The following CYFIP1 variants were observed in gnomAD, a reference collection of about 807,000 sequenced individuals.
CYFIP1 encodes cytoplasmic FMR1 interacting protein 1.
A neutral mutation model predicts 163.5 loss-of-function variants in CYFIP1; 58 were observed. The ratio of observed to expected loss-of-function variants is 0.35; its 90% CI spans 0.29 to 0.44. The LOEUF is 0.44. CYFIP1 is among the 20% of genes least tolerant of loss of function. The probability of loss-of-function intolerance (pLI) is 1.00; values close to 1 mark genes in which losing one functional copy is unlikely to be tolerated. For synonymous variants in CYFIP1, 663 were observed against 660.7 expected (o/e 1.00, Z -0.05); for missense variants, 1,338 against 1,653.8 (o/e 0.81, Z 3.31).
chr15:22,883,351 C>G (rs532174824), intron 23 of CYFIP1, among the ~76,000 whole-genome samples: 2 of 152,276 alleles, frequency 1.3e-5, no homozygotes, highest in East Asian at 3.9e-4. Context: ...TGCCCAAGGT[C>G]GGACCCTGAA....
In CYFIP1 at chr15:22,876,688, G is replaced by A. The variant is rs546391418; in HGVS notation, c.3043-1417C>T. ...CTCTACTAAAAACACAAAATTAGCC[G>A]GGTGTGGTGGCACATGCCTGTAATC... is the stretch of plus-strand genomic sequence containing the variant. On this transcript the variant is annotated intron_variant, in intron 26 of 30. Coordinates refer to ENST00000617928, the MANE Select transcript of CYFIP1 (RefSeq NM_014608.6). Among the ~76,000 whole-genome samples, 18 of 152,040 alleles carry A rather than the reference G, an allele frequency of 1.2e-4. No homozygotes were observed. The East Asian group carries it at 1.9e-3, about 16-fold the overall frequency.
intron 9 of CYFIP1, among the ~76,000 whole-genome samples, chr15:22,934,904 T>A (rs1172279987): frequency 6.6e-6 from 1 of 152,036 alleles, no homozygotes; most frequent in African/African-American, 2.4e-5. Context: ...ACAAAAAATG[T>A]GCAAGACCTC....
At chr15:22,965,256 C>T (rs1368193451) in intron 1 of CYFIP1, among the ~76,000 whole-genome samples, 1 of 152,122 alleles carries the variant, frequency 6.6e-6, no homozygotes, top group Non-Finnish European at 1.5e-5. Context: ...GTCAGGAGTT[C>T]GAGACCAGCC....
chr15:22,942,046 G>T (rs1285460909), intron 6 of CYFIP1, among the ~76,000 whole-genome samples: 1 of 152,202 alleles, frequency 6.6e-6, no homozygotes, highest in Non-Finnish European at 1.5e-5. Context: ...CCCAAGAGGG[G>T]CTCACAGGTC....
chr15:22,973,244 G>T (rs955863852), intron 1 of CYFIP1, among the ~76,000 whole-genome samples: 3 of 146,422 alleles, frequency 2.0e-5, no homozygotes, highest in African/African-American at 7.8e-5. Context: ...AGCCCAAAAG[G>T]GCAAGGCTGC....
chr15:22,966,501 C>T (rs2062914188), intron 1 of CYFIP1, among the ~76,000 whole-genome samples: 1 of 152,076 alleles, frequency 6.6e-6, no homozygotes, highest in Non-Finnish European at 1.5e-5. Context: ...AACCTGCCCA[C>T]ACTGTGATCT....
rs781594682 is a variant in CYFIP1 at position 22,917,806 on chromosome 15, C to T, written c.1656G>A (p.Val552=). The change falls in exon 15 of 31, where the codon GTG becomes GTA. Residue 552 remains valine (V), a synonymous_variant. Coordinates refer to ENST00000617928, the MANE Select transcript of CYFIP1 (RefSeq NM_014608.6). This position sits in a 1 kb window ranked among gnomAD's most constrained non-coding sequence, Gnocchi z 4.2. ...CGAGAACCTGAGTGCTGGAGGGTCCCACGGCGCGGCGTGGTACTTTTATGT... is the reference window on the plus strand; with the variant it reads ...CGAGAACCTGAGTGCTGGAGGGTCCTACGGCGCGGCGTGGTACTTTTATGT... ...GFDIKVPRRA[V]GPSSTQLYMV... is the part of the protein sequence containing the mutation. 4 of 1,611,202 alleles carry T rather than the reference C, an allele frequency of 2.5e-6. No homozygotes were observed. Among genetic ancestry groups the T allele is most frequent in the Admixed American group, 3.4e-5 (2 of 59,684 alleles).
At chr15:22,874,425 G>C (rs2059525651) in intron 28 of CYFIP1, 125 bp downstream of exon 28, 2 of 630,318 alleles carry the variant, frequency 3.2e-6, no homozygotes, top group African/African-American at 3.8e-5. Context: ...TGCAACACTT[G>C]AGGCCTGAGC....
chr15:22,909,724 A>T (rs534520623), intron 20 of CYFIP1, among the ~76,000 whole-genome samples: 11 of 151,304 alleles, frequency 7.3e-5, no homozygotes, highest in African/African-American at 2.7e-4. Context: ...TTAATTTTTA[A>T]TTTTTTTTCT....
Position 22,901,210 on chromosome 15 carries a change from C to A in CYFIP1, c.2588+2496G>T, listed in dbSNP as rs1381100306. Among the ~76,000 whole-genome samples, 1,179 of 141,054 alleles carry A rather than the reference C, an allele frequency of 8.4e-3. 7 individuals carry two copies. The highest frequency in any genetic ancestry group is 0.014 in the Non-Finnish European group (882 of 64,738). 92.5% of individuals were successfully genotyped at this position (141,054 alleles called of 152,430 possible). A position where few individuals can be genotyped will look rare whatever the true frequency, so the allele number is the denominator to read the frequency against. ...AGAGTAAGACTCTGTCACAAAAAAA[C>A]AAAAAAAAAAACCAAAAAAACAACT... On this transcript the variant is annotated intron_variant, in intron 22 of 30. Coordinates refer to ENST00000617928, the MANE Select transcript of CYFIP1 (RefSeq NM_014608.6).
At chr15:22,903,061 CCTCTA>C (rs1327921995) in intron 22 of CYFIP1, among the ~76,000 whole-genome samples, 1 of 152,194 alleles carries the variant, frequency 6.6e-6, no homozygotes, top group Non-Finnish European at 1.5e-5. Context: ...CACCTGCACT[CCTCTA>C]CGTCTGGATG....
chr15:22,925,343 G>A (rs887771696), intron 13 of CYFIP1, among the ~76,000 whole-genome samples: 5 of 152,140 alleles, frequency 3.3e-5, no homozygotes, highest in Admixed American at 6.5e-5. Context: ...CTGGGATACC[G>A]ACAGCAACTG....
intron 1 of CYFIP1, among the ~76,000 whole-genome samples, chr15:22,958,940 T>C (rs1190001560): frequency 6.6e-6 from 1 of 152,148 alleles, no homozygotes; most frequent in African/African-American, 2.4e-5. Flanking sequence ...GAATAAAGTC[T>C]CAATCGCTCA....
chr15:22,871,652 A>C (rs2059436650), intron 30 of CYFIP1, among the ~76,000 whole-genome samples: 2 of 152,172 alleles, frequency 1.3e-5, no homozygotes, highest in Admixed American at 6.5e-5. Context: ...AGTGGGCTCA[A>C]TATAGTCACA....
Position 22,912,232 on chromosome 15 carries a change from A to G in CYFIP1, c.2029T>C (p.Tyr677His). The G allele has an allele frequency of 6.2e-7, 1 of 1,614,088 alleles. No homozygotes were observed. The highest frequency in any genetic ancestry group is 1.3e-5 in the African/African-American group (1 of 75,070). Residue 677 changes from tyrosine (Y) to histidine (H), a missense_variant, in exon 18 of 31, where the codon TAC becomes CAC. Around this residue, in one of 4 missense-constraint regions of CYFIP1, gnomAD observed 824 missense variants for 995.7 expected, o/e 0.83. Transcript: ENST00000617928. ...TGCTTGTTGAACCTGGTGAGCGCGT[A>G]GTGGGCGCTGTCATTGTACAGGTCC... is the stretch of plus-strand genomic sequence containing the variant. ...SLDLYNDSAH[Y>H]ALTRFNKQFL...
At chr15:22,891,615 C>G (rs534901139) in intron 23 of CYFIP1, among the ~76,000 whole-genome samples, 1 of 152,352 alleles carries the variant, frequency 6.6e-6, no homozygotes, top group East Asian at 1.9e-4. Context: ...CCGGCCCACA[C>G]TCGCTCTTTT....
chr15:22,950,304 A>G (rs2062205458), intron 1 of CYFIP1, among the ~76,000 whole-genome samples: 3 of 152,188 alleles, frequency 2.0e-5, no homozygotes, highest in Non-Finnish European at 4.4e-5. Context: ...AAAAGGGGAA[A>G]AAGGTGAACC....
At chr15:22,933,561 G>A (rs1055748253) in intron 10 of CYFIP1, among the ~76,000 whole-genome samples, 12 of 149,878 alleles carry the variant, frequency 8.0e-5, no homozygotes, top group Non-Finnish European at 1.3e-4. Context: ...TGATCCGCCC[G>A]CCTCGGCCTC....
At chr15:22,912,446 A>T in intron 17 of CYFIP1, 171 bp from the exon 18 acceptor site, 1 of 528,296 alleles carries the variant, frequency 1.9e-6, no homozygotes, top group Non-Finnish European at 3.3e-6. Context: ...GCTGCGCCTG[A>T]GGCGGCCGCC....
Sources: gnomAD v4.1 joint callset for allele counts (sites outside exome capture counted in the v4.1 genomes callset) on GRCh38, gnomAD v4.1.1 for gene constraint, gnomAD v4.1.1 regional missense constraint, Gnocchi (gnomAD v3.1) non-coding constraint, MANE v1.5 for transcripts, NCBI Gene and HGNC (gene_info 2026-07-23, HGNC 2026-07-21) for gene names.